SERPINA1: variants seen among roughly 807,000 people sequenced by gnomAD.
The protein encoded by SERPINA1 is alpha-1-antitrypsin.
In SERPINA1, 21 loss-of-function variants were observed where a neutral mutation model predicts 25.4. That is an observed-to-expected ratio of 0.83 (90% CI 0.59 to 1.19). The LOEUF (loss-of-function observed/expected upper bound fraction) is 1.19. Ranked by LOEUF, SERPINA1 falls within the 50% of genes most tolerant of loss-of-function variation. The probability of loss-of-function intolerance (pLI) is 0.00; values close to 1 mark genes in which losing one functional copy is unlikely to be tolerated. For synonymous variants in SERPINA1, 218 were observed against 211.1 expected (o/e 1.03, Z -0.29); for missense variants, 546 against 509.0 (o/e 1.07, Z -0.70).
At position 94,382,585 on chromosome 14, in the gene SERPINA1, ACC is replaced by A. The variant is rs779432340; in HGVS notation, c.646+5_646+6del. ...GGGAACAGCTCAGGCTGGTTGAGCA[ACC>A]TTACCTTTAAAGAAGATGTAATTCA... On this transcript the variant is annotated splice_donor_5th_base_variant and intron_variant, in intron 2 of 4. Transcript: ENST00000393087. 7.4e-6 allele frequency: 12 copies of A among 1,614,092 alleles called. No individual in the cohort carries two copies. The highest frequency in any genetic ancestry group is 1.3e-5 in the African/African-American group (1 of 74,930).
chr14:94,384,863 G>A (rs1250046725), intron 1 of SERPINA1, among the ~76,000 whole-genome samples: 1 of 152,138 alleles, frequency 6.6e-6, no homozygotes, highest in Admixed American at 6.5e-5. Context: ...AACAAATGAA[G>A]TGCAAAGCTG....
intron 3 of SERPINA1, chr14:94,380,528 T>G (rs2139679712): frequency 1.3e-5 from 5 of 370,792 alleles, no homozygotes; most frequent in South Asian, 2.7e-5. Context: ...AGGAAGCCCA[T>G]CTGTTCCTTT....
intron 1 of SERPINA1, among the ~76,000 whole-genome samples, chr14:94,384,825 A>C (rs1277425077): frequency 1.3e-5 from 2 of 152,220 alleles, no homozygotes; most frequent in African/African-American, 4.8e-5. Context: ...ACCCCCTTGG[A>C]CTTTTAAAAG....
intron 1 of SERPINA1, 46 bp from the exon 2 acceptor site, chr14:94,383,287 G>A: frequency 6.3e-7 from 1 of 1,585,568 alleles, no homozygotes; most frequent in Non-Finnish European, 8.6e-7. Flanking sequence ...CAAGGCACAT[G>A]ATGACTCCCA....
At chr14:94,380,451 A>G (rs1896811749) in intron 3 of SERPINA1, among the ~76,000 whole-genome samples, 1 of 152,188 alleles carries the variant, frequency 6.6e-6, no homozygotes, top group Non-Finnish European at 1.5e-5. Context: ...CTTGCCACAC[A>G]GGCTCTTCCC....
rs769267062 is a variant in SERPINA1 at position 94,383,138 on chromosome 14, T to G, written c.100A>C (p.Lys34Gln). 11 of 1,614,090 alleles carry G rather than the reference T, an allele frequency of 6.8e-6. No homozygotes were observed. The Admixed American group carries it at 1.8e-4, about 27-fold the overall frequency. Residue 34 changes from lysine (K) to glutamine (Q), a missense_variant, in exon 2 of 5, where the codon AAG becomes CAG. Physicochemically the swap from Lys to Gln is moderately conservative, Grantham distance 53. Transcript: ENST00000393087. ...TGATCATGGTGGGATGTATCTGTCT[T>G]CTGGGCAGCATCTCCCTGGGGATCC... ...AEDPQGDAAQ[K>Q]TDTSHHDQDH...
intron 1 of SERPINA1, among the ~76,000 whole-genome samples, chr14:94,387,040 T>C (rs1427739537): frequency 6.6e-6 from 1 of 152,244 alleles, no homozygotes; most frequent in Non-Finnish European, 1.5e-5. Context: ...ATGTTTTGTC[T>C]GGGATTAAAC....
rs1242859808 is a variant in SERPINA1, at chr14:94,379,743, A to T, written c.918-132T>A. 7 of 1,241,712 alleles carry T rather than the reference A, an allele frequency of 5.6e-6. No individual in the cohort carries two copies. The Admixed American group carries it at 9.4e-5, about 17-fold the overall frequency. The allele number at this position is 1,241,712 out of a possible 1,614,324, so 76.9% of individuals were successfully genotyped here. On this transcript the variant is annotated intron_variant, in intron 3 of 4. Coordinates refer to ENST00000393087, the MANE Select transcript of SERPINA1 (RefSeq NM_000295.5). ...TCCTGTGTCCTCCACCCACACTAAG[A>T]TGGGAACTCGGCTTTGGTTTGTTCT...
At chr14:94,379,019 T>A in intron 4 of SERPINA1, 3 of 514,516 alleles carry the variant, frequency 5.8e-6, no homozygotes, top group Non-Finnish European at 1.0e-5. Context: ...CAGCCATTCA[T>A]GGAACTGCAG....
intron 1 of SERPINA1, among the ~76,000 whole-genome samples, chr14:94,387,108 A>G (rs1897333440): frequency 6.6e-6 from 1 of 152,262 alleles, no homozygotes; most frequent in Non-Finnish European, 1.5e-5. Flanking sequence ...TGAAGCCAGA[A>G]GTCTTGAATC....
intron 1 of SERPINA1, among the ~76,000 whole-genome samples, chr14:94,385,093 T>C (rs1272984430): frequency 6.6e-6 from 1 of 152,252 alleles, no homozygotes; most frequent in African/African-American, 2.4e-5. Context: ...CTTATGGAAA[T>C]TCCCCCATCA....
rs1896568699 is a variant in SERPINA1 at position 94,378,646 on chromosome 14, G to A, written c.1066-6C>T. On this transcript the variant is annotated splice_polypyrimidine_tract_variant and splice_region_variant and intron_variant, in intron 4 of 4. Transcript: ENST00000393087. ...AGCACAGCCTTATGCACGGCCTGGA[G>A]GGGAGAGAAGCAGAGACACGTTGTA... is the stretch of plus-strand genomic sequence containing the variant. 6.2e-7 allele frequency: 1 copy of A among 1,613,882 alleles called. No individual in the cohort carries two copies. The highest frequency in any genetic ancestry group is 8.5e-7 in the Non-Finnish European group (1 of 1,179,938).
In SERPINA1 at chr14:94,378,651, G is replaced by C; in HGVS notation, c.1066-11C>G. 1 of 1,613,032 alleles carries C rather than the reference G, an allele frequency of 6.2e-7. No individual in the cohort carries two copies. On this transcript the variant is annotated splice_polypyrimidine_tract_variant and intron_variant, in intron 4 of 4. Transcript: ENST00000393087. ...AGCCTTATGCACGGCCTGGAGGGGA[G>C]AGAAGCAGAGACACGTTGTAAGGCT...
intron 2 of SERPINA1, among the ~76,000 whole-genome samples, chr14:94,382,036 C>T (rs1017992100): frequency 6.6e-6 from 1 of 152,200 alleles, no homozygotes; most frequent in African/African-American, 2.4e-5. Context: ...TGCTGTATGC[C>T]ACACACCATC....
At chr14:94,382,128 A>G (rs7145770) in intron 2 of SERPINA1, among the ~76,000 whole-genome samples, 2,340 of 152,356 alleles carry the variant, frequency 0.015, 66 homozygotes, top group African/African-American at 0.051. Flanking sequence ...ATGAGAAATT[A>G]GCACCTCAAA....
chr14:94,380,138 A>T (rs1249273347), intron 3 of SERPINA1, among the ~76,000 whole-genome samples: 4 of 152,224 alleles, frequency 2.6e-5, no homozygotes, highest in African/African-American at 7.2e-5. Flanking sequence ...TTCTTTCTCA[A>T]CCCCTGGAGC....
In SERPINA1 at chr14:94,382,630, T is replaced by C; in HGVS notation, c.608A>G (p.Asp203Gly). 1 of 1,614,252 alleles carries C rather than the reference T, an allele frequency of 6.2e-7. No individual in the cohort carries two copies. The highest frequency in any genetic ancestry group is 1.7e-5 in the Admixed American group (1 of 60,034). ...IVDLVKELDR[D>G]TVFALVNYIF... ...GTAATTCACCAGAGCAAAAACTGTG[T>C]CTCTGTCAAGCTCCTTGACCAAATC... The change falls in exon 2 of 5, where the codon GAC (aspartate) becomes GGC (glycine). Residue 203 changes from aspartate to glycine, a missense_variant. Physicochemically the swap from Asp to Gly is moderately conservative, Grantham distance 94 (BLOSUM62 -1). Transcript: ENST00000393087.
At chr14:94,380,251 A>G (rs1474526672) in intron 3 of SERPINA1, among the ~76,000 whole-genome samples, 1 of 152,254 alleles carries the variant, frequency 6.6e-6, no homozygotes, top group Non-Finnish European at 1.5e-5. Flanking sequence ...TACAGTGTAC[A>G]AAACGAACTA....
At position 94,378,611 on chromosome 14, in the gene SERPINA1, G is replaced by C. The variant is rs201774333; in HGVS notation, c.1095C>G (p.Asp365Glu). The C allele has an allele frequency of 4.3e-5, 69 of 1,614,036 alleles. No individual in the cohort carries two copies. The highest frequency in any genetic ancestry group is 1.0e-4 in the Admixed American group (6 of 59,994). ...CCCCAGCAGCTTCAGTCCCTTTCTC[G>C]TCGATGGTCAGCACAGCCTTATGCA... is the stretch of plus-strand genomic sequence containing the variant. ...KAVHKAVLTI[D>E]EKGTEAAGAM... The change falls in exon 5 of 5, where the codon GAC (aspartate) becomes GAG (glutamate). Residue 365 changes from aspartate to glutamate, a missense_variant. By Grantham distance (45) the Asp-to-Glu change is conservative (BLOSUM62 2). Transcript: ENST00000393087.
Sources: allele counts gnomAD v4.1 joint callset (sites outside exome capture counted in the v4.1 genomes callset), GRCh38; gene constraint gnomAD v4.1.1; transcripts MANE v1.5; gene names NCBI Gene and HGNC (gene_info 2026-07-23, HGNC 2026-07-21).